Variants in RAD51B observed in about 807,000 individuals in gnomAD.
RAD51B encodes RAD51 paralog B.
Under a neutral mutation model 42.2 loss-of-function variants are expected in RAD51B, and 38 were observed. The observed-to-expected ratio is 0.90, with a 90% confidence interval of 0.70 to 1.18. RAD51B has a LOEUF of 1.18. Ranked by LOEUF, RAD51B falls within the 50% of genes most tolerant of loss-of-function variation. The probability of loss-of-function intolerance (pLI) is 0.00; values close to 1 mark genes in which losing one functional copy is unlikely to be tolerated. For synonymous variants in RAD51B, 154 were observed against 145.2 expected (o/e 1.06, Z -0.43); for missense variants, 373 against 400.7 (o/e 0.93, Z 0.59).
At chr14:68,072,592 C>G (rs1331254588) in intron 7 of RAD51B, among the ~76,000 whole-genome samples, 2 of 152,180 alleles carry the variant, frequency 1.3e-5, no homozygotes, top group African/African-American at 4.8e-5. Flanking sequence ...CCTTTGACAA[C>G]ACCCTCACAG....
intron 7 of RAD51B, among the ~76,000 whole-genome samples, chr14:68,180,034 C>T (rs2079033087): frequency 6.6e-6 from 1 of 152,086 alleles, no homozygotes; most frequent in African/African-American, 2.4e-5. Flanking sequence ...TTTATTCCCC[C>T]CTTGCATTCT....
intron 7 of RAD51B, among the ~76,000 whole-genome samples, chr14:67,911,039 A>G (rs1169995894): frequency 6.6e-6 from 1 of 152,074 alleles, no homozygotes; most frequent in Non-Finnish European, 1.5e-5. Context: ...GCTGGTCTCA[A>G]ACTCCTGGCC....
intron 7 of RAD51B, among the ~76,000 whole-genome samples, chr14:68,008,157 A>G (rs1454619290): frequency 1.3e-5 from 2 of 151,934 alleles, no homozygotes; most frequent in African/African-American, 4.8e-5. Context: ...GAAAATAATC[A>G]TTATTTTGCA....
chr14:68,465,317 G>T (rs886295413), intron 9 of RAD51B, among the ~76,000 whole-genome samples: 8 of 152,064 alleles, frequency 5.3e-5, no homozygotes, highest in African/African-American at 1.9e-4. Flanking sequence ...CACAGCTATA[G>T]TTTAGGCCCT....
chr14:68,398,895 AT>A (rs895662617), intron 8 of RAD51B, among the ~76,000 whole-genome samples: 4 of 151,926 alleles, frequency 2.6e-5, no homozygotes, highest in Non-Finnish European at 4.4e-5. Flanking sequence ...CTAATACATG[AT>A]TTTTTTTCAA....
chr14:68,019,044 G>A (rs566968803), intron 7 of RAD51B, among the ~76,000 whole-genome samples: 3 of 152,154 alleles, frequency 2.0e-5, no homozygotes, highest in East Asian at 3.9e-4. Flanking sequence ...TTAGTTATTA[G>A]GCATTCAGTA....
chr14:68,340,088 A>G (rs1370197484), intron 8 of RAD51B, among the ~76,000 whole-genome samples: 1 of 152,238 alleles, frequency 6.6e-6, no homozygotes, highest in African/African-American at 2.4e-5. Flanking sequence ...TATTTTACTA[A>G]TAGTGTTTAC....
At chr14:67,905,661 TTG>T (rs1007847177) in intron 7 of RAD51B, among the ~76,000 whole-genome samples, 2 of 152,078 alleles carry the variant, frequency 1.3e-5, no homozygotes, top group Non-Finnish European at 2.9e-5. Flanking sequence ...GGTACTTTTT[TTG>T]TGTGTGTGGC....
chr14:68,546,139 A>C (rs1417993290), intron 10 of RAD51B, among the ~76,000 whole-genome samples: 1 of 152,222 alleles, frequency 6.6e-6, no homozygotes, highest in East Asian at 1.9e-4. Context: ...CTTACTGAAT[A>C]ATCAGATCTG....
intron 7 of RAD51B, among the ~76,000 whole-genome samples, chr14:68,237,733 T>G (rs1288221008): frequency 6.3e-3 from 28 of 4,480 alleles, no homozygotes; most frequent in East Asian, 0.017. Flanking sequence ...TTCATTTCTC[T>G]TTTTTTTTTT....
intron 10 of RAD51B, among the ~76,000 whole-genome samples, chr14:68,506,643 G>C (rs910688230): frequency 6.6e-6 from 1 of 152,200 alleles, no homozygotes; most frequent in Non-Finnish European, 1.5e-5. Flanking sequence ...GCATGTGTCC[G>C]AGGCAGGGAG....
Position 68,561,558 on chromosome 14 carries a change from C to G in RAD51B, c.1037-32927C>G, listed in dbSNP as rs566068213. Among the ~76,000 whole-genome samples the G allele has an allele frequency of 2.0e-5, 3 of 152,278 alleles. No homozygotes were observed. The South Asian group carries it at 6.2e-4, about 32-fold the overall frequency. ...TTCAGGCTGAGGTATAAATATAAACCAGGTAGGTCAAGGCCTGGGCCTGGG... is the reference window on the plus strand; with the variant it reads ...TTCAGGCTGAGGTATAAATATAAACGAGGTAGGTCAAGGCCTGGGCCTGGG... On this transcript the variant is annotated intron_variant, in intron 10 of 10. Coordinates refer to the RAD51B transcript ENST00000487270.
intron 7 of RAD51B, among the ~76,000 whole-genome samples, chr14:67,918,829 A>G (rs922863338): frequency 3.3e-5 from 5 of 152,214 alleles, no homozygotes; most frequent in African/African-American, 9.6e-5. Flanking sequence ...CAAATAGTCA[A>G]TCAATTATGA....
intron 7 of RAD51B, among the ~76,000 whole-genome samples, chr14:68,234,646 T>C (rs1034332436): frequency 6.6e-6 from 1 of 152,094 alleles, no homozygotes; most frequent in Non-Finnish European, 1.5e-5. Flanking sequence ...ACAGTAAATA[T>C]ATGGTATAAG....
At position 68,594,503 on chromosome 14, in the gene RAD51B, T is replaced by TCA; in HGVS notation, c.1057_1058dup (p.Gln354ProfsTer5). ...CTCTTAGAGACAACATTTTGCTCTG[T>TCA]CACCCAAGCTGAACTGAACTGGGCT... On this transcript the variant is annotated frameshift_variant, in exon 11 of 11. Transcript: ENST00000487270. LOFTEE classifies it high-confidence loss of function. The TCA allele has an allele frequency of 7.3e-7, 1 of 1,366,804 alleles. No homozygotes were observed. The highest frequency in any genetic ancestry group is 9.7e-7 in the Non-Finnish European group (1 of 1,030,520). 84.7% of individuals were successfully genotyped at this position (1,366,804 alleles called of 1,614,324 possible). A position where few individuals can be genotyped will look rare whatever the true frequency, so the allele number is the denominator to read the frequency against.
chr14:67,920,871 G>T (rs2044301138), intron 7 of RAD51B, among the ~76,000 whole-genome samples: 1 of 152,196 alleles, frequency 6.6e-6, no homozygotes, highest in Admixed American at 6.5e-5. Context: ...ATTTACCAAT[G>T]AATAAAGAGA....
chr14:68,218,193 C>T (rs759918553), intron 7 of RAD51B, among the ~76,000 whole-genome samples: 3 of 152,190 alleles, frequency 2.0e-5, no homozygotes, highest in Non-Finnish European at 4.4e-5. Flanking sequence ...CAGCAGCTGA[C>T]CCAGAGGCAA....
intron 7 of RAD51B, among the ~76,000 whole-genome samples, chr14:68,250,570 G>C (rs553545842): frequency 6.6e-6 from 1 of 152,280 alleles, no homozygotes; most frequent in South Asian, 2.1e-4. Context: ...CACAATGGTA[G>C]TGCTATTATT....
chr14:68,044,584 A>C (rs1784506442), intron 7 of RAD51B, among the ~76,000 whole-genome samples: 1 of 152,186 alleles, frequency 6.6e-6, no homozygotes, highest in African/African-American at 2.4e-5. Context: ...TCTTTATTTA[A>C]ATAACTGTAA....
Sources: gnomAD v4.1 joint callset for allele counts (sites outside exome capture counted in the v4.1 genomes callset) on GRCh38, gnomAD v4.1.1 for gene constraint, MANE v1.5 for transcripts, NCBI Gene and HGNC (gene_info 2026-07-23, HGNC 2026-07-21) for gene names.